The following TRPC6 variants were observed in gnomAD, a reference collection of about 807,000 sequenced individuals.
TRPC6 encodes transient receptor potential cation channel subfamily C member 6.
In TRPC6, 55 loss-of-function variants were observed where a neutral mutation model predicts 90.7. The ratio of observed to expected loss-of-function variants is 0.61; its 90% CI spans 0.49 to 0.76. The LOEUF is 0.76. TRPC6 is among the 30% of genes least tolerant of loss of function. TRPC6 has a pLI of 0.00. For missense variants in TRPC6, 989 were observed against 1,122.7 expected (o/e 0.88, Z 1.70); for synonymous variants, 393 against 393.0 (o/e 1.00, Z 0.00).
At chr11:101,497,729 T>G (rs1057209584) in intron 2 of TRPC6, among the ~76,000 whole-genome samples, 2 of 152,062 alleles carry the variant, frequency 1.3e-5, no homozygotes, top group Admixed American at 1.3e-4. Context: ...CTGGGATACA[T>G]TTGCAGAACA....
intron 1 of TRPC6, among the ~76,000 whole-genome samples, chr11:101,582,964 CT>C (rs1862232626): frequency 6.6e-6 from 1 of 152,176 alleles, no homozygotes; most frequent in Non-Finnish European, 1.5e-5. Context: ...AATCAGCCCC[CT>C]GTTCAGATCC....
At chr11:101,515,607 T>C (rs1188257329) in intron 1 of TRPC6, among the ~76,000 whole-genome samples, 3 of 150,312 alleles carry the variant, frequency 2.0e-5, no homozygotes, top group Non-Finnish European at 3.0e-5. Flanking sequence ...TCACAGTTTT[T>C]AGGAGTTTCT....
chr11:101,544,565 T>A (rs537928300), intron 1 of TRPC6, among the ~76,000 whole-genome samples: 34 of 151,808 alleles, frequency 2.2e-4, no homozygotes, highest in Middle Eastern at 3.4e-3. Flanking sequence ...AAAGGATGAG[T>A]TCATGTCCTT....
chr11:101,565,147 CAAT>C (rs1447836840), intron 1 of TRPC6, among the ~76,000 whole-genome samples: 2 of 152,012 alleles, frequency 1.3e-5, no homozygotes, highest in African/African-American at 2.4e-5. Context: ...TTTGTCTTGA[CAAT>C]AATTCTTTGG....
At chr11:101,494,279 A>C (rs80170900) in intron 2 of TRPC6, among the ~76,000 whole-genome samples, 1,560 of 152,276 alleles carry the variant, frequency 0.01, 18 homozygotes, top group African/African-American at 0.035. Flanking sequence ...GTGACCTTTA[A>C]TATGTTAGAA....
chr11:101,573,333 G>A (rs1177871790), intron 1 of TRPC6, among the ~76,000 whole-genome samples: 1 of 151,986 alleles, frequency 6.6e-6, no homozygotes, highest in East Asian at 1.9e-4. Context: ...AAGCAAACAA[G>A]CAAATAAACA....
chr11:101,550,151 A>G (rs773805505), intron 1 of TRPC6, among the ~76,000 whole-genome samples: 32 of 151,630 alleles, frequency 2.1e-4, no homozygotes, highest in Non-Finnish European at 1.3e-4. Context: ...TTTTTGCAAC[A>G]TTATAAGAAT....
At chr11:101,549,206 G>GT (rs1248489093) in intron 1 of TRPC6, among the ~76,000 whole-genome samples, 3 of 151,888 alleles carry the variant, frequency 2.0e-5, no homozygotes, top group Non-Finnish European at 4.4e-5. Flanking sequence ...AAACACTTTT[G>GT]TAAGTTGAAC....
intron 1 of TRPC6, among the ~76,000 whole-genome samples, chr11:101,536,813 TC>T (rs1445383701): frequency 6.6e-6 from 1 of 152,126 alleles, no homozygotes; most frequent in Non-Finnish European, 1.5e-5. Flanking sequence ...AGTGATGCAA[TC>T]AGATCTGTTT....
chr11:101,532,897 C>T (rs1819804517), intron 1 of TRPC6, among the ~76,000 whole-genome samples: 1 of 152,100 alleles, frequency 6.6e-6, no homozygotes, highest in African/African-American at 2.4e-5. Context: ...GATCCTTCTT[C>T]CTCCCAGCTG....
intron 1 of TRPC6, among the ~76,000 whole-genome samples, chr11:101,560,923 C>T (rs1861697663): frequency 6.6e-6 from 1 of 152,120 alleles, no homozygotes; most frequent in Non-Finnish European, 1.5e-5. Context: ...GGAAGTCAAC[C>T]TGAACTACCC....
At chr11:101,567,694 G>A (rs1212219809) in intron 1 of TRPC6, among the ~76,000 whole-genome samples, 1 of 152,196 alleles carries the variant, frequency 6.6e-6, no homozygotes, top group African/African-American at 2.4e-5. Flanking sequence ...GGGCTATTCT[G>A]CAGCCTCCGC....
chr11:101,508,440 T>C (rs1026052501), intron 1 of TRPC6, among the ~76,000 whole-genome samples: 4 of 152,138 alleles, frequency 2.6e-5, no homozygotes, highest in Non-Finnish European at 5.9e-5. Flanking sequence ...GTTAACAAGA[T>C]GGATGAGGTA....
At chr11:101,554,393 A>G (rs561550419) in intron 1 of TRPC6, among the ~76,000 whole-genome samples, 1 of 139,354 alleles carries the variant, frequency 7.2e-6, no homozygotes, top group African/African-American at 2.7e-5. Context: ...AGCTTATTTC[A>G]AAGTAGAGCA....
At chr11:101,553,939 G>A (rs776611502) in intron 1 of TRPC6, among the ~76,000 whole-genome samples, 8 of 152,066 alleles carry the variant, frequency 5.3e-5, no homozygotes, top group Non-Finnish European at 1.2e-4. Flanking sequence ...CGTTGTAAGT[G>A]TTCATAGTTC....
chr11:101,464,199 T>C (rs530297937), intron 10 of TRPC6, among the ~76,000 whole-genome samples: 1 of 152,228 alleles, frequency 6.6e-6, no homozygotes, highest in African/African-American at 2.4e-5. Context: ...TGCTGAGGAG[T>C]GTTTTACTTC....
chr11:101,491,470 C>T, intron 3 of TRPC6, 86 bp downstream of exon 3: 1 of 1,517,596 alleles, frequency 6.6e-7, no homozygotes, highest in Non-Finnish European at 9.0e-7. Context: ...AAAATCCCAG[C>T]TTAATCTAAC....
intron 1 of TRPC6, among the ~76,000 whole-genome samples, chr11:101,516,887 G>A (rs577512155): frequency 6.6e-6 from 1 of 152,248 alleles, no homozygotes; most frequent in Non-Finnish European, 1.5e-5. Context: ...CCTCAGAGGC[G>A]AGAGAGGGCT....
intron 1 of TRPC6, among the ~76,000 whole-genome samples, chr11:101,507,053 A>AC (rs1860291068): frequency 1.0e-5 from 1 of 96,106 alleles, no homozygotes; most frequent in Non-Finnish European, 2.3e-5. Flanking sequence ...ACACACACAG[A>AC]CCCCCTTCAT....
Sources: allele counts gnomAD v4.1 joint callset (sites outside exome capture counted in the v4.1 genomes callset), GRCh38; gene constraint gnomAD v4.1.1; transcripts MANE v1.5; gene names NCBI Gene and HGNC (gene_info 2026-07-23, HGNC 2026-07-21).